The following RBMS3 variants were observed in gnomAD, a reference collection of about 807,000 sequenced individuals.
RBMS3 encodes RNA binding motif single stranded interacting protein 3.
Under a neutral mutation model 66.8 loss-of-function variants are expected in RBMS3, and 27 were observed. The ratio of observed to expected loss-of-function variants is 0.40; its 90% CI spans 0.30 to 0.56. The LOEUF is 0.56. Among genes scored for constraint, RBMS3 ranks in the 20% least tolerant of loss-of-function variants. The pLI is 0.40. For synonymous variants in RBMS3, 188 were observed against 183.0 expected (o/e 1.03, Z -0.22); for missense variants, 513 against 549.5 (o/e 0.93, Z 0.66).
chr3:29,427,112 G>A (rs2040990128), intron 1 of RBMS3, among the ~76,000 whole-genome samples: 1 of 152,228 alleles, frequency 6.6e-6, no homozygotes, highest in Non-Finnish European at 1.5e-5. Context: ...TGCCTTTCAT[G>A]AGGAGTTTTG....
intron 3 of RBMS3, among the ~76,000 whole-genome samples, chr3:29,545,703 T>C (rs1016936961): frequency 6.6e-6 from 1 of 152,212 alleles, no homozygotes; most frequent in African/African-American, 2.4e-5. Context: ...CTTGTCTTTT[T>C]TTTGTTTTGT....
At chr3:29,880,830 T>G in intron 7 of RBMS3, 1 of 1,534,922 alleles carries the variant, frequency 6.5e-7, no homozygotes. Context: ...AGGTGAATCT[T>G]GTATTCATTC....
chr3:29,283,083 T>G (rs1271175276), intron 1 of RBMS3, among the ~76,000 whole-genome samples: 1 of 152,092 alleles, frequency 6.6e-6, no homozygotes, highest in Non-Finnish European at 1.5e-5. Context: ...TTGGGGGTGT[T>G]AGGTTGAGAA....
chr3:29,922,895 G>T lies in RBMS3; in HGVS notation c.940-13191G>T, dbSNP rs546272735. 4.6e-5 allele frequency among the ~76,000 whole-genome samples: 7 copies of T among 152,306 alleles called. No individual in the cohort carries two copies. In the South Asian group the frequency reaches 1.5e-3, roughly 32 times the overall value. On this transcript the variant is annotated intron_variant, in intron 10 of 14. Transcript: ENST00000383767. ...TTTCAAAGACTTGGATAAGCTGGCG[G>T]TGTAAACATTTCCTCGTGGGAACTT...
chr3:29,431,333 G>A lies in RBMS3; in HGVS notation c.76-3410G>A, dbSNP rs1182364961. On this transcript the variant is annotated intron_variant, in intron 1 of 14. Transcript: ENST00000383767. ...TTTTTTGACAGAGTCTCACTCTGTC[G>A]CCTGGCTGGAGTACAGTGGCGCAAT... is the stretch of plus-strand genomic sequence containing the variant. Among the ~76,000 whole-genome samples the A allele has an allele frequency of 7.3e-5, 9 of 123,674 alleles. No homozygotes were observed. In the South Asian group the frequency reaches 7.4e-4, roughly 10 times the overall value. The allele number at this position is 123,674 out of a possible 152,430, so 81.1% of individuals were successfully genotyped here.
chr3:29,322,686 A>T (rs976086558), intron 1 of RBMS3, among the ~76,000 whole-genome samples: 1 of 152,076 alleles, frequency 6.6e-6, no homozygotes, highest in Non-Finnish European at 1.5e-5. Flanking sequence ...ATGGCATATA[A>T]GAAAACCTCA....
chr3:29,598,802 AC>A (rs1226685059), intron 4 of RBMS3, among the ~76,000 whole-genome samples: 1 of 152,034 alleles, frequency 6.6e-6, no homozygotes, highest in African/African-American at 2.4e-5. Flanking sequence ...CTCCTATAAT[AC>A]CTAATGCTTA....
At chr3:29,577,827 T>C (rs2047175672) in intron 3 of RBMS3, among the ~76,000 whole-genome samples, 1 of 152,182 alleles carries the variant, frequency 6.6e-6, no homozygotes, top group African/African-American at 2.4e-5. Flanking sequence ...CTGTCTTTCC[T>C]GTTCTCCTCA....
chr3:29,490,042 CAAAAA>C (rs1245001930), intron 3 of RBMS3, among the ~76,000 whole-genome samples: 1 of 50,006 alleles, frequency 2.0e-5, no homozygotes, highest in South Asian at 8.1e-4. Context: ...GACTCCCTCT[CAAAAA>C]AAAAAAAAAA....
chr3:29,957,057 G>C (rs1365227877), intron 12 of RBMS3, among the ~76,000 whole-genome samples: 1 of 152,032 alleles, frequency 6.6e-6, no homozygotes, highest in Non-Finnish European at 1.5e-5. Context: ...ACCTGCTAAT[G>C]CTGGCTTGTT....
chr3:29,682,656 G>A (rs1323672078), intron 4 of RBMS3, among the ~76,000 whole-genome samples: 1 of 152,144 alleles, frequency 6.6e-6, no homozygotes, highest in African/African-American at 2.4e-5. Flanking sequence ...GCGAACTGCT[G>A]CACCTGGCAA....
chr3:29,712,161 A>C (rs192978318), intron 4 of RBMS3, among the ~76,000 whole-genome samples: 1 of 152,284 alleles, frequency 6.6e-6, no homozygotes, highest in African/African-American at 2.4e-5. Context: ...GAGATTTATA[A>C]TCATCCCTAG....
At chr3:29,332,706 A>G (rs540452226) in intron 1 of RBMS3, among the ~76,000 whole-genome samples, 17 of 152,168 alleles carry the variant, frequency 1.1e-4, no homozygotes, top group Non-Finnish European at 2.2e-4. Context: ...AAGTTTTTCA[A>G]ATTAATGTTG....
intron 12 of RBMS3, among the ~76,000 whole-genome samples, chr3:29,946,590 G>T (rs992794518): frequency 1.3e-5 from 2 of 151,548 alleles, no homozygotes; most frequent in African/African-American, 4.8e-5. Flanking sequence ...TTGTGTTGTC[G>T]TGATGTGAAA....
At chr3:29,606,246 T>C (rs1409052586) in intron 4 of RBMS3, among the ~76,000 whole-genome samples, 1 of 151,950 alleles carries the variant, frequency 6.6e-6, no homozygotes, top group Admixed American at 6.6e-5. Context: ...CGCATTGTCA[T>C]ATGATTGATG....
At chr3:29,312,936 C>G (rs1278083559) in intron 1 of RBMS3, among the ~76,000 whole-genome samples, 2 of 151,638 alleles carry the variant, frequency 1.3e-5, no homozygotes, top group Non-Finnish European at 3.0e-5. Flanking sequence ...TTCACTGCCC[C>G]TGCAGTGCCA....
At chr3:29,686,045 A>C (rs1029897610) in intron 4 of RBMS3, among the ~76,000 whole-genome samples, 2 of 152,210 alleles carry the variant, frequency 1.3e-5, no homozygotes, top group Non-Finnish European at 2.9e-5. Flanking sequence ...CAAGCACTTT[A>C]CTATGGTAAG....
chr3:29,875,401 G>A (rs563216423), intron 7 of RBMS3, among the ~76,000 whole-genome samples: 3 of 151,932 alleles, frequency 2.0e-5, no homozygotes, highest in East Asian at 3.9e-4. Flanking sequence ...GTTATGGTGG[G>A]GTTTAACAGT....
chr3:29,602,080 CT>C (rs947177852), intron 4 of RBMS3, among the ~76,000 whole-genome samples: 10 of 151,986 alleles, frequency 6.6e-5, no homozygotes, highest in Non-Finnish European at 1.3e-4. Flanking sequence ...GTGATTAGTT[CT>C]GTTTCATACT....
Sources: allele counts gnomAD v4.1 joint callset (sites outside exome capture counted in the v4.1 genomes callset), GRCh38; gene constraint gnomAD v4.1.1; transcripts MANE v1.5; gene names NCBI Gene and HGNC (gene_info 2026-07-23, HGNC 2026-07-21).